Variants in KCNIP4 observed in about 807,000 individuals in gnomAD.
KCNIP4 encodes potassium voltage-gated channel interacting protein 4, also known as Kv channel-interacting protein 4.
In KCNIP4, 12 loss-of-function variants were observed where a neutral mutation model predicts 34.0. The ratio of observed to expected loss-of-function variants is 0.35; its 90% CI spans 0.23 to 0.57. KCNIP4 has a LOEUF of 0.57. Among genes scored for constraint, KCNIP4 ranks in the 20% least tolerant of loss-of-function variants. The pLI is 0.83. For missense variants in KCNIP4, 238 were observed against 311.7 expected, an observed-to-expected ratio of 0.76 and a Z score of 1.78; for synonymous variants, 124 against 102.2, an observed-to-expected ratio of 1.21 and a Z score of -1.29.
intron 1 of KCNIP4, among the ~76,000 whole-genome samples, chr4:21,337,878 C>T (rs975410066): frequency 1.3e-5 from 2 of 152,142 alleles, no homozygotes; most frequent in African/African-American, 4.8e-5. Flanking sequence ...CGTTTGGCTA[C>T]ATGTAATAAA....
At chr4:21,063,534 C>T (rs189339116) in intron 1 of KCNIP4, among the ~76,000 whole-genome samples, 1 of 152,078 alleles carries the variant, frequency 6.6e-6, no homozygotes, top group Non-Finnish European at 1.5e-5. Context: ...ATGATAAATA[C>T]CACTGAGCAG....
intron 1 of KCNIP4, among the ~76,000 whole-genome samples, chr4:21,476,939 C>T (rs1731031142): frequency 6.6e-6 from 1 of 152,146 alleles, no homozygotes; most frequent in African/African-American, 2.4e-5. Context: ...AGGCAGGACT[C>T]TGTCCTGGGC....
intron 1 of KCNIP4, among the ~76,000 whole-genome samples, chr4:21,802,512 G>T (rs1291974433): frequency 2.0e-5 from 3 of 151,972 alleles, no homozygotes; most frequent in South Asian, 2.1e-4. Flanking sequence ...GAAAACAAAG[G>T]CCAAAAAATA....
At chr4:21,252,129 GTT>G (rs61183224) in intron 1 of KCNIP4, among the ~76,000 whole-genome samples, 38 of 112,866 alleles carry the variant, frequency 3.4e-4, no homozygotes, top group African/African-American at 1.0e-3. Context: ...ATGAGGTTTT[GTT>G]TTTTTTTTTT....
chr4:20,874,419 A>G (rs1560533580), intron 2 of KCNIP4, among the ~76,000 whole-genome samples: 1 of 152,180 alleles, frequency 6.6e-6, no homozygotes, highest in East Asian at 1.9e-4. Context: ...CTTCAGATGT[A>G]GTGATCTGAG....
intron 1 of KCNIP4, among the ~76,000 whole-genome samples, chr4:21,327,854 T>C (rs1361796911): frequency 2.0e-5 from 3 of 152,042 alleles, no homozygotes; most frequent in African/African-American, 4.8e-5. Context: ...ATGCATTCTT[T>C]AGTATGTCAA....
intron 1 of KCNIP4, among the ~76,000 whole-genome samples, chr4:20,896,637 G>A (rs1726562285): frequency 6.6e-6 from 1 of 152,122 alleles, no homozygotes; most frequent in South Asian, 2.1e-4. Context: ...CTCCTTCAGA[G>A]CCTCCAGAAA....
intron 1 of KCNIP4, among the ~76,000 whole-genome samples, chr4:21,683,000 C>A (rs541806295): frequency 1.3e-5 from 2 of 152,062 alleles, no homozygotes; most frequent in Non-Finnish European, 2.9e-5. Flanking sequence ...GGAAGAATGG[C>A]GCTGATAGTA....
intron 1 of KCNIP4, among the ~76,000 whole-genome samples, chr4:21,688,515 T>C (rs1457968075): frequency 1.3e-5 from 2 of 152,288 alleles, no homozygotes; most frequent in East Asian, 3.9e-4. Flanking sequence ...AGTAATTAAA[T>C]GCTGAACAAT....
At chr4:20,972,794 A>G (rs1735101033) in intron 1 of KCNIP4, among the ~76,000 whole-genome samples, 1 of 152,212 alleles carries the variant, frequency 6.6e-6, no homozygotes, top group African/African-American at 2.4e-5. Flanking sequence ...CAAAAAGTTG[A>G]CTTCAACTCT....
intron 1 of KCNIP4, among the ~76,000 whole-genome samples, chr4:21,918,712 T>TAAAAAAAAAAA (rs888304895): frequency 6.6e-6 from 1 of 151,894 alleles, no homozygotes; most frequent in Non-Finnish European, 1.5e-5. Flanking sequence ...GCCATTCAGC[T>TAAAAAAAAAAA]AAAAAAAATA....
intron 3 of KCNIP4, among the ~76,000 whole-genome samples, chr4:20,762,895 G>A (rs896922089): frequency 1.3e-5 from 2 of 152,160 alleles, no homozygotes; most frequent in African/African-American, 4.8e-5. Flanking sequence ...AAGGCCTCAG[G>A]AAACTTACAA....
chr4:21,175,953 T>C (rs1312323155), intron 1 of KCNIP4, among the ~76,000 whole-genome samples: 1 of 151,584 alleles, frequency 6.6e-6, no homozygotes, highest in Non-Finnish European at 1.5e-5. Flanking sequence ...AAAACTCCCA[T>C]TTGTTTTTTT....
In KCNIP4 at chr4:21,927,622, G is replaced by A. The variant is rs575635556; in HGVS notation, c.61+20949C>T. On this transcript the variant is annotated intron_variant, in intron 1 of 8. Transcript: ENST00000382152. ...GCATCCCAACAAATTTCAACATAGT[G>A]TATTTATCATGCTGTGGCTAGAGAA... is the stretch of plus-strand genomic sequence containing the variant. 5.0e-3 allele frequency among the ~76,000 whole-genome samples: 756 copies of A among 152,236 alleles called. 2 individuals are homozygous for A. The highest frequency in any genetic ancestry group is 8.0e-3 in the Non-Finnish European group (543 of 68,020).
intron 1 of KCNIP4, among the ~76,000 whole-genome samples, chr4:20,931,875 A>G (rs1045632927): frequency 1.3e-5 from 2 of 148,292 alleles, no homozygotes; most frequent in Non-Finnish European, 1.5e-5. Context: ...AGAAGATGAT[A>G]ATAGTCTATA....
chr4:21,471,185 C>A (rs1452137005), intron 1 of KCNIP4, among the ~76,000 whole-genome samples: 1 of 152,132 alleles, frequency 6.6e-6, no homozygotes, highest in African/African-American at 2.4e-5. Flanking sequence ...GTGGCTTTTA[C>A]TATCAAGGCA....
chr4:21,720,003 A>AAG (rs1560662461), intron 1 of KCNIP4, among the ~76,000 whole-genome samples: 8,578 of 108,800 alleles, frequency 0.079, 965 homozygotes, highest in African/African-American at 0.35. Context: ...AAGAAAAGAA[A>AAG]AAGAAGAAGA....
At chr4:21,332,117 A>C (rs886912127) in intron 1 of KCNIP4, among the ~76,000 whole-genome samples, 2 of 152,094 alleles carry the variant, frequency 1.3e-5, no homozygotes, top group Non-Finnish European at 2.9e-5. Flanking sequence ...GTTAATCCAG[A>C]CAAGTTTATT....
At chr4:21,560,333 G>A (rs1739412488) in intron 1 of KCNIP4, among the ~76,000 whole-genome samples, 1 of 151,704 alleles carries the variant, frequency 6.6e-6, no homozygotes, top group Non-Finnish European at 1.5e-5. Flanking sequence ...GGCCTTTGAA[G>A]CAAATGGACC....
Sources: allele counts gnomAD v4.1 joint callset (sites outside exome capture counted in the v4.1 genomes callset), GRCh38; gene constraint gnomAD v4.1.1; transcripts MANE v1.5; gene names NCBI Gene and HGNC (gene_info 2026-07-23, HGNC 2026-07-21).